The following UGGT2 variants were observed in gnomAD, a reference collection of about 807,000 sequenced individuals.
UGGT2 encodes the protein UDP-glucose glycoprotein glucosyltransferase 2, also known as UDP-glucose:glycoprotein glucosyltransferase 2.
A neutral mutation model predicts 192.1 loss-of-function variants in UGGT2; 180 were observed. The ratio of observed to expected loss-of-function variants is 0.94; its 90% CI spans 0.83 to 1.06. UGGT2 has a LOEUF of 1.06. Among genes scored for constraint, UGGT2 ranks in the 50% least tolerant of loss-of-function variants. UGGT2 has a pLI of 0.00. For missense variants in UGGT2, 1,849 were observed against 1,795.7 expected (o/e 1.03, Z -0.54); for synonymous variants, 580 against 591.0 (o/e 0.98, Z 0.27).
At chr13:95,931,536 G>A (rs867214096) in intron 17 of UGGT2, among the ~76,000 whole-genome samples, 82 of 152,036 alleles carry the variant, frequency 5.4e-4, no homozygotes, top group African/African-American at 1.4e-3. Context: ...CCACGGTGCC[G>A]GGGCAGGGTG....
At chr13:95,806,846 A>C (rs1398063029) in intron 38 of UGGT2, among the ~76,000 whole-genome samples, 1 of 152,186 alleles carries the variant, frequency 6.6e-6, no homozygotes, top group Admixed American at 6.5e-5. Flanking sequence ...CCAAAGAATG[A>C]AGTTGGACTC....
chr13:95,887,965 C>A lies in UGGT2; in HGVS notation c.2965G>T (p.Gly989Cys). 6.3e-7 allele frequency: 1 copy of A among 1,596,554 alleles called. No individual in the cohort carries two copies. The highest frequency in any genetic ancestry group is 1.1e-5 in the South Asian group (1 of 87,000). The change falls in exon 26 of 39, where the codon GGC becomes TGC. Residue 989 changes from glycine to cysteine, a missense_variant. Gly to Cys is a radical substitution (Grantham distance 159). Transcript: ENST00000376747. ...TTTATCTTCATGTTGATAATCTTGCCAAGTACCTATTGGAAAGAAATTCCC... is the reference window on the plus strand; with the variant it reads ...TTTATCTTCATGTTGATAATCTTGCAAAGTACCTATTGGAAAGAAATTCCC... Reference protein sequence around the residue: ...QKMAQLLVVLGKIINMKIKLF... With the variant: ...QKMAQLLVVLCKIINMKIKLF...
chr13:95,891,269 T>C (rs1298930348), intron 24 of UGGT2, among the ~76,000 whole-genome samples: 8 of 152,268 alleles, frequency 5.3e-5, no homozygotes, highest in South Asian at 2.1e-4. Flanking sequence ...TCATGGATTG[T>C]ACAATTTAAA....
intron 17 of UGGT2, among the ~76,000 whole-genome samples, chr13:95,935,105 G>A (rs762919061): frequency 5.3e-5 from 8 of 152,122 alleles, no homozygotes; most frequent in Admixed American, 6.5e-5. Context: ...CTTTGAGCCC[G>A]TCTCCTGTAG....
At chr13:95,852,994 G>A (rs563195846) in intron 36 of UGGT2, among the ~76,000 whole-genome samples, 66 of 152,254 alleles carry the variant, frequency 4.3e-4, no homozygotes, top group African/African-American at 1.6e-3. Flanking sequence ...GGAGGGACCA[G>A]GTAGAGGTAA....
chr13:95,881,647 T>A (rs1485383566), intron 27 of UGGT2, among the ~76,000 whole-genome samples: 3 of 152,194 alleles, frequency 2.0e-5, no homozygotes, highest in African/African-American at 7.2e-5. Context: ...ATTAATGCAT[T>A]TTTCTGTGAA....
chr13:95,969,985 CTT>C (rs2050718405), intron 12 of UGGT2, 125 bp downstream of exon 12: 1 of 974,532 alleles, frequency 1.0e-6, no homozygotes, highest in African/African-American at 1.7e-5. Flanking sequence ...TATAGTTTGA[CTT>C]TCTCTTTTCA....
chr13:96,051,093 C>A (rs1293374685), intron 1 of UGGT2, among the ~76,000 whole-genome samples: 1 of 152,168 alleles, frequency 6.6e-6, no homozygotes, highest in Non-Finnish European at 1.5e-5. Flanking sequence ...AAATGTCCGT[C>A]AATGATAGAC....
intron 2 of UGGT2, among the ~76,000 whole-genome samples, 181 bp downstream of exon 2, chr13:96,031,708 T>C (rs1474042863): frequency 6.6e-6 from 1 of 152,218 alleles, no homozygotes; most frequent in Non-Finnish European, 1.5e-5. Context: ...ATTAAAACCT[T>C]GTATTTTTGG....
Position 95,860,848 on chromosome 13 carries a change from T to C in UGGT2, c.3680A>G (p.Glu1227Gly). The change falls in exon 32 of 39, where the codon GAA (glutamate) becomes GGA (glycine). Residue 1227 changes from glutamate to glycine, a missense_variant. By Grantham distance (98) the Glu-to-Gly change is moderately conservative. Transcript: ENST00000376747. ...TVSLHKENKK[E>G]KDVLNIFSVA... ...TGAAAAAATGTTTAGGACATCTTTT[T>C]CCTTTTTGTTTTCTTTATGCAAGCT... The C allele has an allele frequency of 6.4e-7, 1 of 1,567,946 alleles. No individual in the cohort carries two copies. The highest frequency in any genetic ancestry group is 8.6e-7 in the Non-Finnish European group (1 of 1,158,910).
intron 36 of UGGT2, among the ~76,000 whole-genome samples, chr13:95,841,942 T>C (rs909186029): frequency 6.6e-6 from 1 of 152,222 alleles, no homozygotes; most frequent in African/African-American, 2.4e-5. Flanking sequence ...AAAAAGACTA[T>C]TCTTTCCCCA....
chr13:96,039,513 TTCTG>T (rs1288848079), intron 1 of UGGT2, among the ~76,000 whole-genome samples: 1 of 152,158 alleles, frequency 6.6e-6, no homozygotes. Flanking sequence ...CCTGCCAGGT[TTCTG>T]TCTTTCTCTC....
chr13:95,987,973 A>G (rs1170006572), intron 8 of UGGT2, among the ~76,000 whole-genome samples: 1 of 152,130 alleles, frequency 6.6e-6, no homozygotes, highest in Non-Finnish European at 1.5e-5. Context: ...AGTAAGCAAG[A>G]AAAGAGTAAG....
chr13:95,904,069 T>C (rs971815945), intron 20 of UGGT2, among the ~76,000 whole-genome samples: 21 of 152,010 alleles, frequency 1.4e-4, no homozygotes, highest in African/African-American at 3.6e-4. Flanking sequence ...CTTGGAGGAG[T>C]TGGATTTCTA....
chr13:95,849,470 G>C (rs1888800181), intron 36 of UGGT2, among the ~76,000 whole-genome samples: 1 of 151,468 alleles, frequency 6.6e-6, no homozygotes, highest in Admixed American at 6.6e-5. Flanking sequence ...GTGAACCCAG[G>C]AGGCGGAGCT....
chr13:95,867,624 T>C (rs1890794930), intron 29 of UGGT2, among the ~76,000 whole-genome samples: 1 of 152,138 alleles, frequency 6.6e-6, no homozygotes, highest in South Asian at 2.1e-4. Context: ...TTTAACTCAG[T>C]ACACATTAAA....
intron 16 of UGGT2, among the ~76,000 whole-genome samples, chr13:95,939,593 A>G (rs542326482): frequency 9.3e-5 from 14 of 150,822 alleles, no homozygotes; most frequent in Non-Finnish European, 8.8e-5. Flanking sequence ...ACATTTTGAT[A>G]TTAATATACA....
chr13:96,046,736 A>G (rs552598), intron 1 of UGGT2, among the ~76,000 whole-genome samples: 54,297 of 152,116 alleles, frequency 0.36, 10,568 homozygotes, highest in East Asian at 0.45. Context: ...AAGCCGTGAC[A>G]GATGGCACCT....
intron 2 of UGGT2, among the ~76,000 whole-genome samples, chr13:96,030,295 A>G (rs998925218): frequency 6.6e-6 from 1 of 152,232 alleles, no homozygotes; most frequent in Non-Finnish European, 1.5e-5. Flanking sequence ...CTTATCGCCT[A>G]ATAGTGTACA....
Sources: gnomAD v4.1 joint callset for allele counts (sites outside exome capture counted in the v4.1 genomes callset) on GRCh38, gnomAD v4.1.1 for gene constraint, MANE v1.5 for transcripts, NCBI Gene and HGNC (gene_info 2026-07-23, HGNC 2026-07-21) for gene names.